Variants in ENTREP2 observed in about 807,000 individuals in gnomAD.
The protein encoded by ENTREP2 is protein ENTREP2.
the ENTREP2 span, among the ~76,000 whole-genome samples, chr15:29,582,549 G>T: frequency 6.6e-6 from 1 of 152,120 alleles, no homozygotes; most frequent in Non-Finnish European, 1.5e-5. Flanking sequence ...CCAACATGTG[G>T]CTGAAAGGAG....
At chr15:29,623,271 C>G in the ENTREP2 span, among the ~76,000 whole-genome samples, 1 of 152,144 alleles carries the variant, frequency 6.6e-6, no homozygotes, top group African/African-American at 2.4e-5. Context: ...GCTTGGCACC[C>G]CCATGTCCTG....
the ENTREP2 span, among the ~76,000 whole-genome samples, chr15:29,417,707 G>A: frequency 6.6e-6 from 1 of 151,974 alleles, no homozygotes; most frequent in African/African-American, 2.4e-5. Flanking sequence ...TGATGTGGCT[G>A]AAATATATAT....
At chr15:29,269,779 G>C in the ENTREP2 span, 3 of 1,342,246 alleles carry the variant, frequency 2.2e-6, no homozygotes, top group Non-Finnish European at 2.9e-6. Context: ...TCGGCGACCC[G>C]CTAACGCCGG....
At chr15:29,672,904 T>C in the ENTREP2 span, among the ~76,000 whole-genome samples, 1 of 152,088 alleles carries the variant, frequency 6.6e-6, no homozygotes, top group African/African-American at 2.4e-5. Context: ...GTCCATCAAG[T>C]TGGTGACTCC....
At chr15:29,309,507 C>T in the ENTREP2 span, among the ~76,000 whole-genome samples, 1 of 151,952 alleles carries the variant, frequency 6.6e-6, no homozygotes, top group Admixed American at 6.6e-5. Flanking sequence ...GGGCCAAGCA[C>T]GGTGGCTCAC....
At chr15:29,221,678 T>C in the ENTREP2 span, among the ~76,000 whole-genome samples, 13 of 152,292 alleles carry the variant, frequency 8.5e-5, no homozygotes, top group East Asian at 2.5e-3. Context: ...GTTAATAATG[T>C]AGACTTGCAC....
At chr15:29,224,980 GC>G in the ENTREP2 span, among the ~76,000 whole-genome samples, 2 of 152,222 alleles carry the variant, frequency 1.3e-5, no homozygotes, top group Admixed American at 6.5e-5. Context: ...GAGCACAGCA[GC>G]TACTGGCCCA....
At chr15:29,513,588 G>A in the ENTREP2 span, among the ~76,000 whole-genome samples, 4 of 152,202 alleles carry the variant, frequency 2.6e-5, no homozygotes, top group Admixed American at 6.5e-5. Flanking sequence ...AAGGCGTGGG[G>A]TGAACAGGCA....
the ENTREP2 span, among the ~76,000 whole-genome samples, chr15:29,223,713 G>C: frequency 2.0e-5 from 3 of 152,252 alleles, no homozygotes; most frequent in East Asian, 1.9e-4. Flanking sequence ...TGGCCAGGGT[G>C]GGGGTGGAGG....
At chr15:29,473,669 T>C in the ENTREP2 span, among the ~76,000 whole-genome samples, 1 of 152,146 alleles carries the variant, frequency 6.6e-6, no homozygotes, top group African/African-American at 2.4e-5. Context: ...AAAGAAATAA[T>C]AACTTGTCAG....
chr15:29,656,386 C>A, the ENTREP2 span, among the ~76,000 whole-genome samples: 2 of 152,024 alleles, frequency 1.3e-5, no homozygotes, highest in Non-Finnish European at 2.9e-5. Flanking sequence ...TCACCACAGC[C>A]GGGTAGTTTT....
At chr15:29,596,924 C>G in the ENTREP2 span, among the ~76,000 whole-genome samples, 28 of 152,132 alleles carry the variant, frequency 1.8e-4, no homozygotes, top group Non-Finnish European at 3.7e-4. Flanking sequence ...CTCATCTCAG[C>G]CTCCCAAAGT....
At chr15:29,158,662 C>T in the ENTREP2 span, among the ~76,000 whole-genome samples, 1 of 152,050 alleles carries the variant, frequency 6.6e-6, no homozygotes, top group Non-Finnish European at 1.5e-5. Flanking sequence ...GAGTCCTTTA[C>T]AAATACTGAA....
the ENTREP2 span, among the ~76,000 whole-genome samples, chr15:29,214,613 A>G: frequency 6.6e-6 from 1 of 151,938 alleles, no homozygotes; most frequent in Non-Finnish European, 1.5e-5. Flanking sequence ...GGTGCAGCAC[A>G]CCAACATGGC....
At chr15:29,556,294 A>G in the ENTREP2 span, among the ~76,000 whole-genome samples, 1 of 152,114 alleles carries the variant, frequency 6.6e-6, no homozygotes, top group African/African-American at 2.4e-5. Flanking sequence ...GATAACTGCA[A>G]TGGGTCAAGT....
the ENTREP2 span, among the ~76,000 whole-genome samples, chr15:29,213,821 T>C: frequency 6.6e-6 from 1 of 152,096 alleles, no homozygotes; most frequent in African/African-American, 2.4e-5. Context: ...ATCCAGAATC[T>C]ACAAAGAACT....
the ENTREP2 span, among the ~76,000 whole-genome samples, chr15:29,419,997 G>T: frequency 2.6e-5 from 4 of 152,154 alleles, no homozygotes; most frequent in African/African-American, 9.7e-5. Context: ...TATGGACTGC[G>T]ACCAAACTTT....
the ENTREP2 span, among the ~76,000 whole-genome samples, chr15:29,171,018 G>C: frequency 6.6e-6 from 1 of 152,218 alleles, no homozygotes; most frequent in East Asian, 1.9e-4. Context: ...AAGCTGAAGT[G>C]AGTGTGTGAG....
the ENTREP2 span, among the ~76,000 whole-genome samples, chr15:29,459,881 T>C: frequency 1.3e-5 from 2 of 152,218 alleles, no homozygotes; most frequent in African/African-American, 2.4e-5. Context: ...CTGCAAGCTA[T>C]GGTAATATTA....
Sources: gnomAD v4.1 joint callset for allele counts (sites outside exome capture counted in the v4.1 genomes callset) on GRCh38, gnomAD v4.1.1 for gene constraint, MANE v1.5 for transcripts, NCBI Gene and HGNC (gene_info 2026-07-23, HGNC 2026-07-21) for gene names.